NEK10: variants seen among roughly 807,000 people sequenced by gnomAD.
NEK10 encodes the protein NIMA related kinase 10, also known as serine/threonine-protein kinase Nek10.
A neutral mutation model predicts 159.8 loss-of-function variants in NEK10; 122 were observed. The observed-to-expected ratio is 0.76, with a 90% CI of 0.66 to 0.89. The LOEUF is 0.89. NEK10 is among the 40% of genes least tolerant of loss of function. NEK10 has a pLI of 0.00. For missense variants in NEK10, 1,342 were observed against 1,323.1 expected, an observed-to-expected ratio of 1.01 and a Z score of -0.22; for synonymous variants, 466 against 457.1, an observed-to-expected ratio of 1.02 and a Z score of -0.25.
At chr3:27,279,921 G>A (rs1176272960) in intron 22 of NEK10, among the ~76,000 whole-genome samples, 1 of 152,072 alleles carries the variant, frequency 6.6e-6, no homozygotes, top group Admixed American at 6.5e-5. Flanking sequence ...TGTAATCCCA[G>A]CACTTTGGGA....
intron 25 of NEK10, among the ~76,000 whole-genome samples, chr3:27,200,949 A>G (rs1949991642): frequency 6.6e-6 from 1 of 152,118 alleles, no homozygotes; most frequent in African/African-American, 2.4e-5. Flanking sequence ...AGTGGGAGGG[A>G]GCATGGGTGA....
Position 27,174,673 on chromosome 3 carries a change from A to G in NEK10, c.2666T>C (p.Phe889Ser), listed in dbSNP as rs748143005. Reference sequence around the variant, plus strand: ...ACCTTTCTCAGCATTTTCCAGGTTGAAGTTATCATCTGACAGGATTTCGTC... The same window carrying G: ...ACCTTTCTCAGCATTTTCCAGGTTGGAGTTATCATCTGACAGGATTTCGTC... ...ACDEILSDDN[F>S]NLENAEKDTY... Residue 889 changes from phenylalanine to serine, a missense_variant, in exon 27 of 36, where the codon TTC becomes TCC. Phe to Ser is a radical substitution (Grantham distance 155). Coordinates refer to ENST00000691995, the MANE Select transcript of NEK10 (RefSeq NM_001394966.1). 6.8e-6 allele frequency: 11 copies of G among 1,611,152 alleles called. No homozygotes were observed. Among genetic ancestry groups the G allele is most frequent in the Non-Finnish European group, 9.3e-6 (11 of 1,179,072 alleles).
At chr3:27,325,154 G>A (rs1377912346) in intron 5 of NEK10, among the ~76,000 whole-genome samples, 1 of 152,236 alleles carries the variant, frequency 6.6e-6, no homozygotes, top group African/African-American at 2.4e-5. Context: ...CTTGGAAACA[G>A]AAGGTGGTCC....
intron 6 of NEK10, among the ~76,000 whole-genome samples, chr3:27,316,916 C>T (rs1365050192): frequency 6.6e-6 from 1 of 152,146 alleles, no homozygotes; most frequent in Non-Finnish European, 1.5e-5. Flanking sequence ...CGCTGCTGAG[C>T]ACTATAAGTC....
In NEK10 at chr3:27,115,930, T is replaced by C; in HGVS notation, c.3299+10A>G. 1 of 1,601,888 alleles carries C rather than the reference T, an allele frequency of 6.2e-7. No individual in the cohort carries two copies. The highest frequency in any genetic ancestry group is 8.5e-7 in the Non-Finnish European group (1 of 1,169,912). On this transcript the variant is annotated intron_variant, in intron 35 of 35. Transcript: ENST00000691995. ...ATCTTTCACAATTGAAGGCAAACTCTAGCTCTTACCTGTTAGATGTAAAAT... is the reference window on the plus strand; with the variant it reads ...ATCTTTCACAATTGAAGGCAAACTCCAGCTCTTACCTGTTAGATGTAAAAT...
At chr3:27,180,968 C>T (rs998347024) in intron 26 of NEK10, among the ~76,000 whole-genome samples, 1 of 152,120 alleles carries the variant, frequency 6.6e-6, no homozygotes, top group African/African-American at 2.4e-5. Flanking sequence ...ACTGTCTCTC[C>T]CTGCTTCACC....
intron 22 of NEK10, among the ~76,000 whole-genome samples, chr3:27,281,881 GA>G (rs1439835515): frequency 1.3e-5 from 2 of 152,116 alleles, no homozygotes; most frequent in African/African-American, 4.8e-5. Context: ...TGACCATGTG[GA>G]AAATAGTACT....
At chr3:27,215,745 G>C in intron 23 of NEK10, 2 of 712,082 alleles carry the variant, frequency 2.8e-6, no homozygotes, top group Non-Finnish European at 5.2e-6. Flanking sequence ...TCTGCAGGCT[G>C]TACAGGAACC....
chr3:27,174,812 A>T lies in NEK10; in HGVS notation c.2527T>A (p.Leu843Met). The change falls in exon 27 of 36, where the codon TTG (leucine) becomes ATG (methionine). Residue 843 changes from leucine (L) to methionine (M), a missense_variant. Leu to Met is a conservative substitution (Grantham distance 15). Transcript: ENST00000691995. ...LSHETFEKASLSSSSSGAASL... is the reference protein window; with the variant it reads ...LSHETFEKASMSSSSSGAASL... The stretch of plus-strand genomic sequence containing the variant: ...GCTGCTCCACTGCTGCTGCTACTCA[A>T]ACTTGCCTTCTCAAAGGTCTCCTGG... The T allele has an allele frequency of 6.3e-7, 1 of 1,596,898 alleles. No homozygotes were observed. The highest frequency in any genetic ancestry group is 8.5e-7 in the Non-Finnish European group (1 of 1,174,342).
chr3:27,199,138 TG>T (rs1949820301), intron 25 of NEK10, among the ~76,000 whole-genome samples: 1 of 151,452 alleles, frequency 6.6e-6, no homozygotes, highest in African/African-American at 2.4e-5. Context: ...AAAGAGCTTC[TG>T]CACAGCAAAG....
Position 27,330,143 on chromosome 3 carries a change from TG to T in NEK10, c.363-7883del, listed in dbSNP as rs1174641042. Reference sequence around the variant, plus strand: ...GAACCCTTGGATATCAAGGGCTGACTGTGCCTGTGTGTGTGTGTACATGTGT... The same window carrying T: ...GAACCCTTGGATATCAAGGGCTGACTTGCCTGTGTGTGTGTGTACATGTGT... On this transcript the variant is annotated intron_variant, in intron 5 of 35. Transcript: ENST00000691995. Among the ~76,000 whole-genome samples the T allele has an allele frequency of 2.6e-4, 6 of 23,512 alleles. No individual in the cohort carries two copies. In the East Asian group the frequency reaches 0.055, roughly 214 times the overall value. The allele number at this position is 23,512 out of a possible 152,430, so 15.4% of individuals were successfully genotyped here.
At chr3:27,258,723 G>A (rs1170684860) in intron 22 of NEK10, among the ~76,000 whole-genome samples, 1 of 152,132 alleles carries the variant, frequency 6.6e-6, no homozygotes, top group South Asian at 2.1e-4. Context: ...TAATTCTTTG[G>A]GTACATACCC....
chr3:27,252,899 T>C (rs1371835811), intron 23 of NEK10: 2 of 514,798 alleles, frequency 3.9e-6, no homozygotes, highest in Admixed American at 3.9e-5. Flanking sequence ...GAGGGCTTGG[T>C]CTTTGCATGA....
intron 32 of NEK10, among the ~76,000 whole-genome samples, chr3:27,121,414 A>G (rs1307440844): frequency 6.6e-6 from 1 of 152,182 alleles, no homozygotes; most frequent in Non-Finnish European, 1.5e-5. Context: ...CTTGAATTGT[A>G]ACTCCCACAA....
chr3:27,127,072 A>C (rs960579033), intron 32 of NEK10, among the ~76,000 whole-genome samples: 1 of 152,184 alleles, frequency 6.6e-6, no homozygotes. Flanking sequence ...AAACATTTAC[A>C]AAAGTAAAGA....
intron 7 of NEK10, 124 bp downstream of exon 7, chr3:27,314,173 G>C: frequency 1.4e-6 from 1 of 702,204 alleles, no homozygotes; most frequent in Non-Finnish European, 2.6e-6. Context: ...AACGCTGTCT[G>C]TCCCTCTCTG....
At chr3:27,285,038 C>A (rs2042474118) in intron 20 of NEK10, 77 bp from the exon 21 acceptor site, 6 of 1,124,474 alleles carry the variant, frequency 5.3e-6, no homozygotes, top group South Asian at 1.5e-5. Context: ...AATGAGAGTT[C>A]AAGCTTCCCA....
At chr3:27,264,737 CA>C (rs578215228) in intron 22 of NEK10, among the ~76,000 whole-genome samples, 1 of 151,638 alleles carries the variant, frequency 6.6e-6, no homozygotes, top group Non-Finnish European at 1.5e-5. Context: ...ACTAAAAATG[CA>C]AAAAAATTAT....
intron 32 of NEK10, among the ~76,000 whole-genome samples, chr3:27,126,767 A>AC (rs1291850723): frequency 1.3e-5 from 2 of 152,036 alleles, no homozygotes; most frequent in Non-Finnish European, 2.9e-5. Context: ...AGCAAAAAAA[A>AC]AACAACAACA....
Sources: gnomAD v4.1 joint callset for allele counts (sites outside exome capture counted in the v4.1 genomes callset) on GRCh38, gnomAD v4.1.1 for gene constraint, MANE v1.5 for transcripts, NCBI Gene and HGNC (gene_info 2026-07-23, HGNC 2026-07-21) for gene names.